The following CA10 variants were observed in gnomAD, a reference collection of about 807,000 sequenced individuals.
CA10 encodes the protein carbonic anhydrase 10 (inactive).
In CA10, 14 loss-of-function variants were observed where a neutral mutation model predicts 44.2. The ratio of observed to expected loss-of-function variants is 0.32; its 90% CI spans 0.21 to 0.50. The LOEUF is 0.50. CA10 is among the 20% of genes least tolerant of loss of function. The pLI, the probability that CA10 is intolerant of heterozygous loss-of-function variation, is 0.99. For synonymous variants in CA10, 159 were observed against 141.6 expected, an observed-to-expected ratio of 1.12 and a Z score of -0.87; for missense variants, 350 against 409.7, an observed-to-expected ratio of 0.85 and a Z score of 1.26.
At chr17:52,069,286 AAG>A (rs1339278934) in intron 2 of CA10, among the ~76,000 whole-genome samples, 1 of 152,202 alleles carries the variant, frequency 6.6e-6, no homozygotes, top group African/African-American at 2.4e-5. Context: ...ACTGAGAAGA[AAG>A]AGACCAGAAT....
At chr17:52,048,232 A>G (rs2076965651) in intron 2 of CA10, among the ~76,000 whole-genome samples, 1 of 151,982 alleles carries the variant, frequency 6.6e-6, no homozygotes, top group Non-Finnish European at 1.5e-5. Flanking sequence ...GATGTAATAA[A>G]TCACTCCAAG....
At chr17:51,673,165 C>A (rs539814603) in intron 4 of CA10, among the ~76,000 whole-genome samples, 2 of 152,268 alleles carry the variant, frequency 1.3e-5, no homozygotes, top group South Asian at 2.1e-4. Flanking sequence ...AGAAAATGAA[C>A]CCCCTAGCCC....
intron 6 of CA10, among the ~76,000 whole-genome samples, chr17:51,648,022 T>C (rs911608988): frequency 6.6e-6 from 1 of 152,226 alleles, no homozygotes; most frequent in Non-Finnish European, 1.5e-5. Context: ...GTAGGGCTGC[T>C]GTCTGGGCCA....
intron 2 of CA10, among the ~76,000 whole-genome samples, chr17:51,960,498 A>G (rs1303665582): frequency 6.6e-6 from 1 of 152,210 alleles, no homozygotes; most frequent in Non-Finnish European, 1.5e-5. Flanking sequence ...ATTGAAAACA[A>G]CAAGTAAAAC....
At position 52,157,995 on chromosome 17, in the gene CA10, A is replaced by C; in HGVS notation, c.-209T>G. 1 of 608,874 alleles carries C rather than the reference A, an allele frequency of 1.6e-6. No homozygotes were observed. 37.7% of individuals were successfully genotyped at this position (608,874 alleles called of 1,614,324 possible). ...GCAAATCTCCCCTCGGGCTCGACGGATGTGCGCCCCAGATGTGCTGACACA... is the reference window on the plus strand; with the variant it reads ...GCAAATCTCCCCTCGGGCTCGACGGCTGTGCGCCCCAGATGTGCTGACACA... On this transcript the variant is annotated 5_prime_UTR_variant, in exon 1 of 9. Transcript: ENST00000451037.
intron 3 of CA10, among the ~76,000 whole-genome samples, chr17:51,754,398 GTGATATATATATATAT>G (rs1905005226): frequency 2.1e-5 from 2 of 96,484 alleles, no homozygotes; most frequent in African/African-American, 4.0e-5. Context: ...CTGTGTGTGT[GTGATATATATATATAT>G]ATATATATAT....
intron 1 of CA10, among the ~76,000 whole-genome samples, chr17:52,156,345 C>G (rs1034783269): frequency 2.0e-5 from 3 of 152,138 alleles, no homozygotes; most frequent in African/African-American, 7.2e-5. Context: ...AATAGAAGTC[C>G]CACTAGAGGA....
chr17:52,033,165 A>T (rs1459414754), intron 2 of CA10, among the ~76,000 whole-genome samples: 1 of 152,242 alleles, frequency 6.6e-6, no homozygotes, highest in Non-Finnish European at 1.5e-5. Flanking sequence ...TGTTTCATAC[A>T]AAATGAAAGA....
chr17:51,849,170 T>TAC (rs1978640178), intron 3 of CA10, among the ~76,000 whole-genome samples: 1 of 102,876 alleles, frequency 9.7e-6, no homozygotes, highest in East Asian at 2.4e-4. Flanking sequence ...TATGTATATA[T>TAC]ATATACATAT....
At chr17:52,109,855 G>A (rs1988752731) in intron 1 of CA10, among the ~76,000 whole-genome samples, 1 of 152,134 alleles carries the variant, frequency 6.6e-6, no homozygotes, top group Admixed American at 6.5e-5. Context: ...TAGCAAAGAA[G>A]AATCATGTTC....
At chr17:51,672,361 G>T (rs1329199296) in intron 4 of CA10, among the ~76,000 whole-genome samples, 4 of 152,170 alleles carry the variant, frequency 2.6e-5, no homozygotes, top group African/African-American at 9.7e-5. Flanking sequence ...CTAGCACCTG[G>T]GTTGGGATCA....
chr17:51,973,504 CTGGGGAAT>C (rs1228847310), intron 2 of CA10, among the ~76,000 whole-genome samples: 1 of 152,152 alleles, frequency 6.6e-6, no homozygotes, highest in Non-Finnish European at 1.5e-5. Context: ...AGAATAACTT[CTGGGGAAT>C]TGTGAGCTGA....
At chr17:51,710,245 T>G (rs1915891282) in intron 4 of CA10, among the ~76,000 whole-genome samples, 1 of 152,168 alleles carries the variant, frequency 6.6e-6, no homozygotes, top group African/African-American at 2.4e-5. Context: ...TAGAACAGAA[T>G]TGTCTCAGGA....
chr17:51,668,677 TGAG>T (rs1182535165), intron 4 of CA10, among the ~76,000 whole-genome samples: 25 of 152,168 alleles, frequency 1.6e-4, no homozygotes, highest in Admixed American at 1.6e-3. Flanking sequence ...TGGCCACACT[TGAG>T]GAGCCCTTCA....
intron 4 of CA10, among the ~76,000 whole-genome samples, chr17:51,739,554 G>C (rs1055745327): frequency 6.6e-6 from 1 of 152,136 alleles, no homozygotes; most frequent in South Asian, 2.1e-4. Flanking sequence ...TGCAGATTAG[G>C]CTGGAGTCAA....
chr17:52,101,364 C>T lies in CA10; in HGVS notation c.62-28971G>A, dbSNP rs1301040487. On this transcript the variant is annotated intron_variant, in intron 1 of 8. Coordinates refer to ENST00000451037, the MANE Select transcript of CA10 (RefSeq NM_020178.5). Reference sequence around the variant, plus strand: ...AAAGGACCCTTGTATGAAAAGATTACTTGAGGCAAATGTGACATCATGTCA... The same window carrying T: ...AAAGGACCCTTGTATGAAAAGATTATTTGAGGCAAATGTGACATCATGTCA... 3.3e-5 allele frequency among the ~76,000 whole-genome samples: 5 copies of T among 152,336 alleles called. No homozygotes were observed. The East Asian group carries it at 9.6e-4, about 29-fold the overall frequency.
At chr17:52,059,798 G>A (rs1987332547) in intron 2 of CA10, among the ~76,000 whole-genome samples, 2 of 152,144 alleles carry the variant, frequency 1.3e-5, no homozygotes, top group South Asian at 4.1e-4. Flanking sequence ...TCATTAAAAT[G>A]CAAGTTTTAT....
At chr17:52,095,731 A>T (rs986917255) in intron 1 of CA10, among the ~76,000 whole-genome samples, 1 of 152,140 alleles carries the variant, frequency 6.6e-6, no homozygotes, top group Non-Finnish European at 1.5e-5. Context: ...TAATCATTTT[A>T]GCCTGGGTTT....
chr17:52,142,282 G>C (rs1309990711), intron 1 of CA10, among the ~76,000 whole-genome samples: 1 of 152,136 alleles, frequency 6.6e-6, no homozygotes, highest in Non-Finnish European at 1.5e-5. Flanking sequence ...GACAGGTACT[G>C]AAGGTTTCTG....
Sources: allele counts gnomAD v4.1 joint callset (sites outside exome capture counted in the v4.1 genomes callset), GRCh38; gene constraint gnomAD v4.1.1; transcripts MANE v1.5; gene names NCBI Gene and HGNC (gene_info 2026-07-23, HGNC 2026-07-21).